The following MITF variants were observed in gnomAD, a reference collection of about 807,000 sequenced individuals.
The protein encoded by MITF is microphthalmia-associated transcription factor.
MITF carries 17 observed loss-of-function variants against 60.5 expected under a neutral mutation model. The observed-to-expected ratio is 0.28, with a 90% CI of 0.19 to 0.42. The LOEUF (loss-of-function observed/expected upper bound fraction) is 0.42, where lower values mean the gene tolerates loss of function less well. MITF is among the 10% of genes least tolerant of loss of function. The pLI is 1.00. For missense variants in MITF, 622 were observed against 683.5 expected (o/e 0.91, Z 1.00); for synonymous variants, 260 against 248.5 (o/e 1.05, Z -0.43).
chr3:69,924,637 A>C (rs1178623298), intron 2 of MITF, among the ~76,000 whole-genome samples: 1 of 152,140 alleles, frequency 6.6e-6, no homozygotes, highest in Non-Finnish European at 1.5e-5. Flanking sequence ...CCTCCCTCTA[A>C]CTTGCAAATC....
intron 2 of MITF, among the ~76,000 whole-genome samples, chr3:69,903,258 A>G (rs766215673): frequency 3.9e-5 from 6 of 152,216 alleles, no homozygotes; most frequent in Non-Finnish European, 8.8e-5. Context: ...GTCCTAGAAT[A>G]TAGGAATGGC....
At chr3:69,836,284 G>A (rs2063539366) in intron 1 of MITF, among the ~76,000 whole-genome samples, 1 of 152,068 alleles carries the variant, frequency 6.6e-6, no homozygotes, top group South Asian at 2.1e-4. Context: ...ATCACTATTA[G>A]CATATAGAAA....
At chr3:69,832,338 T>A (rs1224653284) in intron 1 of MITF, among the ~76,000 whole-genome samples, 2 of 152,174 alleles carry the variant, frequency 1.3e-5, no homozygotes, top group Admixed American at 1.3e-4. Context: ...GGATACGAAG[T>A]GAAGGAGGCA....
chr3:69,825,137 T>A (rs2107068259), intron 1 of MITF, among the ~76,000 whole-genome samples: 3 of 152,288 alleles, frequency 2.0e-5, no homozygotes, highest in Middle Eastern at 6.8e-3. Flanking sequence ...ATAGATGAAA[T>A]GACAAACCAT....
chr3:69,901,564 G>T (rs1013600987), intron 2 of MITF, among the ~76,000 whole-genome samples: 14 of 152,018 alleles, frequency 9.2e-5, no homozygotes, highest in Non-Finnish European at 7.4e-5. Flanking sequence ...TAGAGTCTGA[G>T]CCCATGGAAG....
chr3:69,759,085 AT>A (rs1291076912), intron 1 of MITF, among the ~76,000 whole-genome samples: 2 of 152,254 alleles, frequency 1.3e-5, no homozygotes, highest in African/African-American at 4.8e-5. Flanking sequence ...CAAATACCGA[AT>A]TAGCAAATAC....
At chr3:69,830,422 C>T (rs2063427558) in intron 1 of MITF, among the ~76,000 whole-genome samples, 1 of 152,172 alleles carries the variant, frequency 6.6e-6, no homozygotes, top group Non-Finnish European at 1.5e-5. Context: ...GCTCAGATGT[C>T]ATCCTCTGGG....
At chr3:69,904,444 C>A (rs914801181) in intron 2 of MITF, among the ~76,000 whole-genome samples, 6 of 152,120 alleles carry the variant, frequency 3.9e-5, no homozygotes, top group African/African-American at 1.4e-4. Flanking sequence ...GTGTCTTCTA[C>A]TGGTCTGTCC....
chr3:69,959,309 A>C lies in MITF; in HGVS notation c.1068A>C (p.Ala356=). 1 of 1,614,146 alleles carries C rather than the reference A, an allele frequency of 6.2e-7. No individual in the cohort carries two copies. The highest frequency in any genetic ancestry group is 8.5e-7 in the Non-Finnish European group (1 of 1,180,008). Residue 356 remains alanine (A), a synonymous_variant, in exon 9 of 10, where the codon GCA becomes GCC. Transcript: ENST00000352241. Reference sequence around the variant, plus strand: ...GGAACAAGGGAACCATCTTAAAAGCATCCGTGGACTATATCCGAAAGTTGC... The same window carrying C: ...GGAACAAGGGAACCATCTTAAAAGCCTCCGTGGACTATATCCGAAAGTTGC... The part of the protein sequence containing the change: ...MRWNKGTILK[A]SVDYIRKLQR...
intron 9 of MITF, among the ~76,000 whole-genome samples, chr3:69,963,640 T>G (rs1270695402): frequency 2.0e-5 from 3 of 152,214 alleles, no homozygotes; most frequent in African/African-American, 7.2e-5. Context: ...GGAATCAGAT[T>G]GGACACCATC....
intron 1 of MITF, chr3:69,866,277 T>G (rs751358076): frequency 6.2e-7 from 1 of 1,613,438 alleles, no homozygotes; most frequent in African/African-American, 1.3e-5. Context: ...GCAGAACACC[T>G]TAAAGGAAAA....
At position 69,883,605 on chromosome 3, in the gene MITF, G is replaced by A. The variant is rs184503020; in HGVS notation, c.354+4222G>A. On this transcript the variant is annotated intron_variant, in intron 2 of 9. Coordinates refer to ENST00000352241, the MANE Select transcript of MITF (RefSeq NM_001354604.2). ...TTGGTGGGCTACAGATTGGCAAAAG[G>A]GACTTCTCCCACAACCTACCCTTAG... Among the ~76,000 whole-genome samples, 402 of 152,254 alleles carry A rather than the reference G, an allele frequency of 2.6e-3. 1 individual carries two copies. The highest frequency in any genetic ancestry group is 4.4e-3 in the Non-Finnish European group (297 of 68,004).
chr3:69,884,751 T>G (rs2064571263), intron 2 of MITF, among the ~76,000 whole-genome samples: 2 of 152,218 alleles, frequency 1.3e-5, no homozygotes, highest in Admixed American at 1.3e-4. Context: ...TTTGGATTCA[T>G]GTTGGACTTG....
At chr3:69,847,185 G>A (rs558111107) in intron 1 of MITF, among the ~76,000 whole-genome samples, 5 of 152,188 alleles carry the variant, frequency 3.3e-5, no homozygotes, top group Non-Finnish European at 5.9e-5. Flanking sequence ...TGTTGTATCC[G>A]TTTTTTTCCC....
intron 2 of MITF, among the ~76,000 whole-genome samples, chr3:69,882,561 AC>A (rs1376720570): frequency 2.0e-5 from 3 of 152,208 alleles, no homozygotes; most frequent in African/African-American, 7.2e-5. Flanking sequence ...TGAATTAACA[AC>A]AACAAAAAAA....
intron 2 of MITF, among the ~76,000 whole-genome samples, chr3:69,909,805 G>A (rs1013070541): frequency 1.1e-4 from 16 of 152,152 alleles, no homozygotes; most frequent in Non-Finnish European, 1.8e-4. Flanking sequence ...TTTGGGTGCT[G>A]TTAAAACCAT....
intron 1 of MITF, chr3:69,764,004 G>A (rs1191470076): frequency 8.2e-7 from 1 of 1,218,724 alleles, no homozygotes; most frequent in African/African-American, 1.6e-5. Context: ...TGTTTTTTAA[G>A]GGATGTCAAT....
At chr3:69,841,125 GACAT>G (rs1181576899) in intron 1 of MITF, among the ~76,000 whole-genome samples, 1 of 152,178 alleles carries the variant, frequency 6.6e-6, no homozygotes, top group African/African-American at 2.4e-5. Flanking sequence ...TGGAATGACA[GACAT>G]ATTTCACCTT....
intron 1 of MITF, among the ~76,000 whole-genome samples, chr3:69,788,495 T>C (rs1423600374): frequency 6.6e-6 from 1 of 152,130 alleles, no homozygotes; most frequent in East Asian, 1.9e-4. Context: ...GAAAGTTGCA[T>C]TATGTCTGTA....
Sources: gnomAD v4.1 joint callset for allele counts (sites outside exome capture counted in the v4.1 genomes callset) on GRCh38, gnomAD v4.1.1 for gene constraint, MANE v1.5 for transcripts, NCBI Gene and HGNC (gene_info 2026-07-23, HGNC 2026-07-21) for gene names.